Variants in TNS3 observed in about 807,000 individuals in gnomAD.
The protein encoded by TNS3 is tensin-3.
TNS3 carries 45 observed loss-of-function variants against 140.9 expected under a neutral mutation model. That is an observed-to-expected ratio of 0.32 (90% CI 0.25 to 0.41). The LOEUF is 0.41. Among genes scored for constraint, TNS3 ranks in the 10% least tolerant of loss-of-function variants. TNS3 has a pLI of 1.00. For missense variants in TNS3, 1,716 were observed against 1,906.7 expected, an observed-to-expected ratio of 0.90 and a Z score of 1.86; for synonymous variants, 815 against 788.4, an observed-to-expected ratio of 1.03 and a Z score of -0.56.
At chr7:47,557,841 G>A (rs1370227273) in intron 1 of TNS3, among the ~76,000 whole-genome samples, 1 of 152,142 alleles carries the variant, frequency 6.6e-6, no homozygotes. Flanking sequence ...CATGAACCAC[G>A]CCTTACTGGA....
At chr7:47,499,900 G>A (rs548029666) in intron 3 of TNS3, among the ~76,000 whole-genome samples, 6 of 152,218 alleles carry the variant, frequency 3.9e-5, no homozygotes, top group Admixed American at 6.5e-5. Flanking sequence ...CTGTTCTGGT[G>A]CGGCGATGCT....
intron 2 of TNS3, among the ~76,000 whole-genome samples, chr7:47,525,057 C>T (rs1332201270): frequency 6.6e-6 from 1 of 152,142 alleles, no homozygotes; most frequent in African/African-American, 2.4e-5. Flanking sequence ...GTGAGAAAAA[C>T]CAGTGCTACA....
At chr7:47,289,192 A>G (rs1785571893) in intron 27 of TNS3, among the ~76,000 whole-genome samples, 1 of 152,208 alleles carries the variant, frequency 6.6e-6, no homozygotes, top group African/African-American at 2.4e-5. Context: ...GAAAATGCCT[A>G]TACATTTCAT....
At chr7:47,320,865 G>A (rs976952827) in intron 20 of TNS3, among the ~76,000 whole-genome samples, 4 of 152,206 alleles carry the variant, frequency 2.6e-5, no homozygotes, top group African/African-American at 7.2e-5. Context: ...GAGTGACATA[G>A]GCCCTACTTC....
intron 11 of TNS3, 109 bp from the exon 12 acceptor site, chr7:47,414,106 C>A (rs1454120833): frequency 1.7e-6 from 2 of 1,189,218 alleles, no homozygotes; most frequent in South Asian, 1.3e-5. Flanking sequence ...ACTGCACCTG[C>A]GGCCTTTGAG....
At chr7:47,372,070 C>G (rs1470560290) in intron 16 of TNS3, among the ~76,000 whole-genome samples, 1 of 152,204 alleles carries the variant, frequency 6.6e-6, no homozygotes, top group African/African-American at 2.4e-5. Context: ...AATGAAAGAA[C>G]CTGGTAAATC....
At chr7:47,324,370 T>A (rs1787912663) in intron 20 of TNS3, among the ~76,000 whole-genome samples, 1 of 152,260 alleles carries the variant, frequency 6.6e-6, no homozygotes, top group Non-Finnish European at 1.5e-5. Flanking sequence ...AGTACACAGA[T>A]GAAATTGGGA....
intron 2 of TNS3, among the ~76,000 whole-genome samples, chr7:47,520,345 A>C (rs1393999557): frequency 1.3e-5 from 2 of 152,136 alleles, no homozygotes; most frequent in East Asian, 1.9e-4. Context: ...ACAACCCCAC[A>C]ACTTAACATA....
chr7:47,360,931 T>A (rs146870465), intron 17 of TNS3, among the ~76,000 whole-genome samples: 276 of 152,178 alleles, frequency 1.8e-3, no homozygotes, highest in African/African-American at 5.9e-3. Flanking sequence ...AGCACGGATC[T>A]GAAACCCCCA....
At chr7:47,281,391 C>T (rs1040506163) in intron 28 of TNS3, among the ~76,000 whole-genome samples, 35 of 152,210 alleles carry the variant, frequency 2.3e-4, no homozygotes, top group African/African-American at 8.2e-4. Flanking sequence ...CCAGGCTGGG[C>T]CAGTCTAGCT....
intron 20 of TNS3, among the ~76,000 whole-genome samples, chr7:47,316,364 G>A (rs1245508792): frequency 6.6e-6 from 1 of 152,136 alleles, no homozygotes; most frequent in Non-Finnish European, 1.5e-5. Flanking sequence ...ACCATGGGGT[G>A]TTGGGCACAT....
chr7:47,540,015 A>C (rs1055721919), intron 1 of TNS3, among the ~76,000 whole-genome samples: 1 of 152,132 alleles, frequency 6.6e-6, no homozygotes, highest in African/African-American at 2.4e-5. Flanking sequence ...TGGGTGGCAG[A>C]CTGGCCTCAC....
At chr7:47,394,668 C>A (rs567971793) in intron 16 of TNS3, among the ~76,000 whole-genome samples, 14 of 152,210 alleles carry the variant, frequency 9.2e-5, no homozygotes, top group Non-Finnish European at 1.9e-4. Flanking sequence ...TGGATCTATA[C>A]ACACACGCTC....
At chr7:47,562,983 G>A (rs1172883721) in intron 1 of TNS3, among the ~76,000 whole-genome samples, 2 of 152,140 alleles carry the variant, frequency 1.3e-5, no homozygotes, top group African/African-American at 4.8e-5. Context: ...CCAAGACACA[G>A]CCCCACCCCC....
chr7:47,289,423 G>A (rs1380832065), intron 27 of TNS3, among the ~76,000 whole-genome samples: 1 of 152,148 alleles, frequency 6.6e-6, no homozygotes, highest in Non-Finnish European at 1.5e-5. Context: ...CCTCCCTCAT[G>A]GCCACAGAAC....
At chr7:47,365,836 G>A (rs1459332140) in intron 17 of TNS3, among the ~76,000 whole-genome samples, 1 of 152,190 alleles carries the variant, frequency 6.6e-6, no homozygotes, top group Non-Finnish European at 1.5e-5. Flanking sequence ...TGGATAATAT[G>A]ATGTGGCTTT....
intron 1 of TNS3, among the ~76,000 whole-genome samples, chr7:47,540,207 C>A (rs1171573587): frequency 6.6e-6 from 1 of 152,116 alleles, no homozygotes; most frequent in African/African-American, 2.4e-5. Context: ...TTCCCAGGAA[C>A]AAAATGAGGT....
chr7:47,541,948 C>CAAAAAAAAAAAAAAAAA (rs11314197), intron 1 of TNS3, among the ~76,000 whole-genome samples: 2 of 130,970 alleles, frequency 1.5e-5, no homozygotes, highest in African/African-American at 5.8e-5. Flanking sequence ...GACTCCATCT[C>CAAAAAAAAAAAAAAAAA]AAAAAAAAAA....
intron 20 of TNS3, among the ~76,000 whole-genome samples, chr7:47,315,004 C>T (rs541490442): frequency 4.1e-4 from 63 of 152,344 alleles, no homozygotes; most frequent in South Asian, 2.1e-3. Context: ...AGGCCATGCA[C>T]CCCTCCCCTA....
Sources: allele counts gnomAD v4.1 joint callset (sites outside exome capture counted in the v4.1 genomes callset), GRCh38; gene constraint gnomAD v4.1.1; transcripts MANE v1.5; gene names NCBI Gene and HGNC (gene_info 2026-07-23, HGNC 2026-07-21).